The following PHLDB2 variants were observed in gnomAD, a reference collection of about 807,000 sequenced individuals.
PHLDB2 encodes the protein pleckstrin homology-like domain family B member 2.
Under a neutral mutation model 123.6 loss-of-function variants are expected in PHLDB2, and 71 were observed. The observed-to-expected ratio is 0.57, with a 90% confidence interval of 0.47 to 0.70. PHLDB2 has a LOEUF of 0.70. Ranked by LOEUF, PHLDB2 falls within the 30% of genes least tolerant of loss-of-function variation. PHLDB2 has a pLI of 0.00. For synonymous variants in PHLDB2, 547 were observed against 541.6 expected, an observed-to-expected ratio of 1.01 and a Z score of -0.14; for missense variants, 1,446 against 1,519.5, an observed-to-expected ratio of 0.95 and a Z score of 0.80.
intron 5 of PHLDB2, among the ~76,000 whole-genome samples, chr3:111,920,704 T>C (rs2068447972): frequency 6.6e-6 from 1 of 152,226 alleles, no homozygotes; most frequent in Non-Finnish European, 1.5e-5. Flanking sequence ...TTGCTTTTTT[T>C]CATTGGCCTT....
intron 1 of PHLDB2, among the ~76,000 whole-genome samples, chr3:111,767,477 A>G (rs777193422): frequency 1.6e-4 from 24 of 152,378 alleles, no homozygotes; most frequent in Non-Finnish European, 2.5e-4. Context: ...CATTTTCACT[A>G]TAAGCAGAAG....
chr3:111,848,417 A>T (rs1419524126), intron 2 of PHLDB2, among the ~76,000 whole-genome samples: 1 of 152,152 alleles, frequency 6.6e-6, no homozygotes, highest in African/African-American at 2.4e-5. Context: ...CAACAGGAAA[A>T]CAATAAACCA....
intron 1 of PHLDB2, among the ~76,000 whole-genome samples, chr3:111,825,831 G>A (rs921184109): frequency 6.6e-6 from 1 of 151,832 alleles, no homozygotes; most frequent in Admixed American, 6.6e-5. Flanking sequence ...TTAATTTTTG[G>A]CTCACAAACC....
intron 8 of PHLDB2, among the ~76,000 whole-genome samples, chr3:111,942,636 A>G (rs1168512396): frequency 6.6e-6 from 1 of 152,082 alleles, no homozygotes; most frequent in African/African-American, 2.4e-5. Flanking sequence ...GCTGCATAAA[A>G]TGCCTCCCAA....
chr3:111,955,144 G>GATTGATATAT (rs1553754361), intron 12 of PHLDB2, among the ~76,000 whole-genome samples: 6 of 145,300 alleles, frequency 4.1e-5, no homozygotes, highest in African/African-American at 1.5e-4. Flanking sequence ...ATGTATATAT[G>GATTGATATAT]ATATATATAT....
chr3:111,965,628 G>A (rs910720485), intron 13 of PHLDB2, among the ~76,000 whole-genome samples: 26 of 152,258 alleles, frequency 1.7e-4, no homozygotes, highest in Middle Eastern at 3.4e-3. Flanking sequence ...ATACAGGCAC[G>A]AAAGTCTGTC....
chr3:111,845,938 G>A, intron 2 of PHLDB2: 2 of 1,613,228 alleles, frequency 1.2e-6, no homozygotes, highest in Non-Finnish European at 1.7e-6. Flanking sequence ...ACATTTCGGT[G>A]AGAACTTTAT....
chr3:111,743,811 C>T (rs978243719), intron 1 of PHLDB2, among the ~76,000 whole-genome samples: 8 of 152,150 alleles, frequency 5.3e-5, no homozygotes, highest in Non-Finnish European at 1.2e-4. Context: ...TTGCCTGTTT[C>T]CTGAAGTAGG....
At chr3:111,956,493 T>C (rs2071071872) in intron 12 of PHLDB2, among the ~76,000 whole-genome samples, 1 of 152,254 alleles carries the variant, frequency 6.6e-6, no homozygotes, top group African/African-American at 2.4e-5. Flanking sequence ...TTTAGTGCTC[T>C]TGTTCTTTAT....
In PHLDB2 at chr3:111,748,773, C is replaced by T. The variant is rs542103785; in HGVS notation, c.-49+16070C>T. 3.9e-5 allele frequency among the ~76,000 whole-genome samples: 6 copies of T among 152,212 alleles called. No individual in the cohort carries two copies. In the South Asian group the frequency reaches 1.0e-3, roughly 26 times the overall value. ...CTGACCTCAGGTGATCCACCCACCTCGGCCTCCCAAAGTGCTGGGATTACA... is the reference window on the plus strand; with the variant it reads ...CTGACCTCAGGTGATCCACCCACCTTGGCCTCCCAAAGTGCTGGGATTACA... On this transcript the variant is annotated intron_variant, in intron 1 of 17. Transcript: ENST00000393923.
intron 1 of PHLDB2, among the ~76,000 whole-genome samples, chr3:111,787,235 T>G (rs369704481): frequency 1.1e-3 from 168 of 152,332 alleles, no homozygotes; most frequent in African/African-American, 3.8e-3. Flanking sequence ...GCTTATAATT[T>G]CTATCCTCAT....
At chr3:111,832,381 A>G (rs757894547) in intron 1 of PHLDB2, among the ~76,000 whole-genome samples, 10 of 109,946 alleles carry the variant, frequency 9.1e-5, no homozygotes, top group Non-Finnish European at 1.4e-4. Context: ...TTTTTAAAAA[A>G]ACAAAAAACA....
At chr3:111,801,755 A>G (rs75333305) in intron 1 of PHLDB2, among the ~76,000 whole-genome samples, 3,256 of 152,354 alleles carry the variant, frequency 0.021, 87 homozygotes, top group African/African-American at 0.065. Context: ...ATCACATAAC[A>G]TATAATTACA....
At chr3:111,747,903 T>C (rs1271653079) in intron 1 of PHLDB2, among the ~76,000 whole-genome samples, 1 of 152,184 alleles carries the variant, frequency 6.6e-6, no homozygotes, top group African/African-American at 2.4e-5. Context: ...CTTCACTTTC[T>C]TGTGAGGTGT....
At chr3:111,944,193 G>T (rs542381992) in intron 8 of PHLDB2, among the ~76,000 whole-genome samples, 4 of 152,292 alleles carry the variant, frequency 2.6e-5, no homozygotes, top group Admixed American at 2.0e-4. Context: ...GGCAAAACTA[G>T]TGTTAAGGCC....
intron 1 of PHLDB2, among the ~76,000 whole-genome samples, chr3:111,836,812 T>A (rs2063425003): frequency 6.6e-6 from 1 of 152,008 alleles, no homozygotes; most frequent in Admixed American, 6.6e-5. Context: ...AAACTTACTA[T>A]CAGGAGAACA....
In PHLDB2 at chr3:111,932,347, G is replaced by A. The variant is rs1446472125; in HGVS notation, c.2080G>A (p.Asp694Asn). 1 of 1,551,698 alleles carries A rather than the reference G, an allele frequency of 6.4e-7. No individual in the cohort carries two copies. Among genetic ancestry groups the A allele is most frequent in the Non-Finnish European group, 8.7e-7 (1 of 1,146,860 alleles). The change falls in exon 6 of 18, where the codon GAC becomes AAC. Residue 694 changes from aspartate (D) to asparagine (N), a missense_variant. Physicochemically the swap from Asp to Asn is conservative, Grantham distance 23. Transcript: ENST00000431670. Reference sequence around the variant, plus strand: ...TTACTCCGAGCAGAAGACCCAGCTGGACAATTGTCCTGAGTCCATGAGGGA... The same window carrying A: ...TTACTCCGAGCAGAAGACCCAGCTGAACAATTGTCCTGAGTCCATGAGGGA... ...ELYSEQKTQL[D>N]NCPESMREQL...
At chr3:111,813,613 A>C (rs527576785) in intron 1 of PHLDB2, among the ~76,000 whole-genome samples, 2 of 152,342 alleles carry the variant, frequency 1.3e-5, no homozygotes, top group South Asian at 4.1e-4. Context: ...TTAGTGGAAA[A>C]ATGACTAAAA....
chr3:111,962,929 C>CAAAA (rs57625439), intron 13 of PHLDB2, among the ~76,000 whole-genome samples: 93 of 93,104 alleles, frequency 1.0e-3, no homozygotes, highest in Middle Eastern at 5.3e-3. Context: ...AACTCCATCT[C>CAAAA]AAAAAAAAAA....
Sources: gnomAD v4.1 joint callset for allele counts (sites outside exome capture counted in the v4.1 genomes callset) on GRCh38, gnomAD v4.1.1 for gene constraint, MANE v1.5 for transcripts, NCBI Gene and HGNC (gene_info 2026-07-23, HGNC 2026-07-21) for gene names.